LURAP1L: variants seen among roughly 807,000 people sequenced by gnomAD.
LURAP1L encodes the protein leucine rich adaptor protein 1-like.
Under a neutral mutation model 13.8 loss-of-function variants are expected in LURAP1L, and 12 were observed. The ratio of observed to expected loss-of-function variants is 0.87; its 90% confidence interval spans 0.56 to 1.41. The LOEUF (loss-of-function observed/expected upper bound fraction) is 1.41, where lower values mean the gene tolerates loss of function less well. Among genes scored for constraint, LURAP1L ranks in the 40% most tolerant of loss-of-function variants. The pLI is 0.00. For missense variants in LURAP1L, 375 were observed against 292.9 expected (o/e 1.28, Z -2.04); for synonymous variants, 139 against 119.2 (o/e 1.17, Z -1.08).
intron 1 of LURAP1L, among the ~76,000 whole-genome samples, chr9:12,789,644 G>A (rs948851812): frequency 1.3e-5 from 2 of 152,118 alleles, no homozygotes; most frequent in Non-Finnish European, 2.9e-5. Flanking sequence ...TATATGGACA[G>A]GTCTATCATA....
chr9:12,786,188 T>C (rs1302059140), intron 1 of LURAP1L, among the ~76,000 whole-genome samples: 1 of 152,114 alleles, frequency 6.6e-6, no homozygotes, highest in Non-Finnish European at 1.5e-5. Flanking sequence ...TGTTAGATAA[T>C]ATAAGCAAAT....
At position 12,781,447 on chromosome 9, in the gene LURAP1L, C is replaced by G. The variant is rs183625114; in HGVS notation, c.312+5420C>G. On this transcript the variant is annotated intron_variant, in intron 1 of 1. Transcript: ENST00000319264. ...CCTCTGGTAACCATCATTCTACTTC[C>G]TAGCTCCATGAGTTCAACTGTTTTC... Among the ~76,000 whole-genome samples, 27 of 152,272 alleles carry G rather than the reference C, an allele frequency of 1.8e-4. No individual in the cohort carries two copies. In the East Asian group the frequency reaches 5.0e-3, roughly 28 times the overall value.
At chr9:12,787,676 G>T (rs914351481) in intron 1 of LURAP1L, among the ~76,000 whole-genome samples, 48 of 152,220 alleles carry the variant, frequency 3.2e-4, no homozygotes, top group African/African-American at 1.0e-3. Context: ...CTTCTATTCA[G>T]TATATTTGTT....
At chr9:12,778,597 C>T (rs1819224549) in intron 1 of LURAP1L, among the ~76,000 whole-genome samples, 1 of 152,280 alleles carries the variant, frequency 6.6e-6, no homozygotes, top group East Asian at 1.9e-4. Context: ...GATATCTTCT[C>T]CACCAGACTG....
At chr9:12,815,627 A>G (rs1385399726) in intron 1 of LURAP1L, among the ~76,000 whole-genome samples, 1 of 152,158 alleles carries the variant, frequency 6.6e-6, no homozygotes, top group East Asian at 1.9e-4. Context: ...ATACAAATGT[A>G]TAACTAGGAG....
At chr9:12,808,308 T>A in intron 1 of LURAP1L, among the ~76,000 whole-genome samples, 1 of 152,116 alleles carries the variant, frequency 6.6e-6, no homozygotes, top group Non-Finnish European at 1.5e-5. Flanking sequence ...GTCTTTAGTA[T>A]TTACTACTTC....
chr9:12,819,040 G>A (rs1341875412), intron 1 of LURAP1L, among the ~76,000 whole-genome samples: 8 of 152,052 alleles, frequency 5.3e-5, no homozygotes, highest in Admixed American at 3.3e-4. Flanking sequence ...TAGGGTGTGC[G>A]GAGGAATTTA....
chr9:12,821,346 T>C (rs1463113785), intron 1 of LURAP1L, 40 bp from the exon 2 acceptor site: 1 of 1,582,202 alleles, frequency 6.3e-7, no homozygotes, highest in Middle Eastern at 1.7e-4. Context: ...TTCGAGAGTG[T>C]AAAATGGCTG....
intron 1 of LURAP1L, among the ~76,000 whole-genome samples, chr9:12,777,851 T>G (rs551650344): frequency 2.0e-5 from 3 of 152,334 alleles, no homozygotes; most frequent in African/African-American, 7.2e-5. Context: ...TGATGTTTAT[T>G]TCCATGGTAA....
At chr9:12,776,777 G>C (rs1358394493) in intron 1 of LURAP1L, among the ~76,000 whole-genome samples, 1 of 152,060 alleles carries the variant, frequency 6.6e-6, no homozygotes, top group African/African-American at 2.4e-5. Context: ...CCTGCTGTTT[G>C]CAAACGTTTG....
intron 1 of LURAP1L, among the ~76,000 whole-genome samples, chr9:12,808,131 A>G (rs1481991930): frequency 1.3e-5 from 2 of 151,388 alleles, no homozygotes; most frequent in Non-Finnish European, 3.0e-5. Context: ...AGAAAAATTT[A>G]ATATTTTACC....
At chr9:12,777,590 A>G (rs762528362) in intron 1 of LURAP1L, 169 of 971,932 alleles carry the variant, frequency 1.7e-4, no homozygotes, top group Non-Finnish European at 2.0e-4. Flanking sequence ...TTTCTTTCTC[A>G]GTAGCTCACT....
chr9:12,818,398 T>A (rs1819831152), intron 1 of LURAP1L, among the ~76,000 whole-genome samples: 1 of 152,220 alleles, frequency 6.6e-6, no homozygotes, highest in African/African-American at 2.4e-5. Context: ...CCTAAAATTA[T>A]GGCTATTTCC....
chr9:12,803,343 G>C (rs1586883235), intron 1 of LURAP1L, among the ~76,000 whole-genome samples: 1 of 152,182 alleles, frequency 6.6e-6, no homozygotes, highest in African/African-American at 2.4e-5. Context: ...ACAGACAGGA[G>C]AATGGGGACA....
At chr9:12,816,224 T>G (rs1323147053) in intron 1 of LURAP1L, among the ~76,000 whole-genome samples, 1 of 152,166 alleles carries the variant, frequency 6.6e-6, no homozygotes, top group Non-Finnish European at 1.5e-5. Flanking sequence ...TGAAACGAAA[T>G]CTCAGTATGA....
intron 1 of LURAP1L, among the ~76,000 whole-genome samples, chr9:12,817,478 A>G (rs1053728290): frequency 3.3e-5 from 5 of 152,244 alleles, no homozygotes; most frequent in African/African-American, 1.2e-4. Flanking sequence ...TTATGATTTC[A>G]ACTAGTCATA....
chr9:12,785,248 A>G (rs1168897690), intron 1 of LURAP1L, among the ~76,000 whole-genome samples: 1 of 152,074 alleles, frequency 6.6e-6, no homozygotes, highest in Non-Finnish European at 1.5e-5. Flanking sequence ...TTACAAGGCA[A>G]AAGTCCTCTT....
Position 12,822,475 on chromosome 9 carries a change from A to C in LURAP1L, c.*715A>C, listed in dbSNP as rs926140030. ...AAATTTCAAGGAATAATTGAGATTA[A>C]GTATGGAGGCCATTCAAGGCAAAAA... On this transcript the variant is annotated 3_prime_UTR_variant, in exon 2 of 2. Transcript: ENST00000319264. Among the ~76,000 whole-genome samples the C allele has an allele frequency of 1.3e-5, 2 of 152,238 alleles. No homozygotes were observed. The highest frequency in any genetic ancestry group is 2.9e-5 in the Non-Finnish European group (2 of 68,032).
chr9:12,819,735 A>T (rs1235606226), intron 1 of LURAP1L, among the ~76,000 whole-genome samples: 1 of 152,132 alleles, frequency 6.6e-6, no homozygotes. Flanking sequence ...AGGGCAGATC[A>T]CGAGGTCAGG....
Sources: allele counts gnomAD v4.1 joint callset (sites outside exome capture counted in the v4.1 genomes callset), GRCh38; gene constraint gnomAD v4.1.1; transcripts MANE v1.5; gene names NCBI Gene and HGNC (gene_info 2026-07-23, HGNC 2026-07-21).